Variants in RUSF1 observed in about 807,000 individuals in gnomAD.
RUSF1 encodes RUS1 family protein C16orf58.
RUSF1 carries 58 observed loss-of-function variants against 63.0 expected under a neutral mutation model. The ratio of observed to expected loss-of-function variants is 0.92; its 90% confidence interval spans 0.75 to 1.15. The LOEUF is 1.15. Among genes scored for constraint, RUSF1 ranks in the 50% most tolerant of loss-of-function variants. The probability of loss-of-function intolerance (pLI) is 0.00; values close to 1 mark genes in which losing one functional copy is unlikely to be tolerated. For missense variants in RUSF1, 652 were observed against 611.0 expected (o/e 1.07, Z -0.71); for synonymous variants, 274 against 255.8 (o/e 1.07, Z -0.68).
intron 2 of RUSF1, among the ~76,000 whole-genome samples, chr16:31,506,095 T>C (rs1248536215): frequency 6.6e-6 from 1 of 152,218 alleles, no homozygotes; most frequent in African/African-American, 2.4e-5. Flanking sequence ...CTTGGTAGCA[T>C]ATACATTCAG....
At chr16:31,505,612 A>G (rs2082654979) in intron 2 of RUSF1, among the ~76,000 whole-genome samples, 1 of 152,184 alleles carries the variant, frequency 6.6e-6, no homozygotes, top group African/African-American at 2.4e-5. Context: ...AAAAGTGCCT[A>G]TAGACAGCAC....
At chr16:31,499,546 T>C (rs750544676) in intron 3 of RUSF1, 21 bp from the exon 4 acceptor site, 2 of 1,592,152 alleles carry the variant, frequency 1.3e-6, no homozygotes, top group South Asian at 1.1e-5. Flanking sequence ...GGAGAGGTTG[T>C]TGTAATTTGG....
intron 9 of RUSF1, 41 bp downstream of exon 9, chr16:31,493,426 G>C (rs763792369): frequency 6.4e-7 from 1 of 1,558,500 alleles, no homozygotes; most frequent in South Asian, 1.2e-5. Flanking sequence ...AGGGGAGTGT[G>C]GGTGGCGGTG....
Position 31,493,901 on chromosome 16 carries a change from G to T in RUSF1, c.738C>A (p.Ser246Arg). 6.2e-7 allele frequency: 1 copy of T among 1,614,198 alleles called. No individual in the cohort carries two copies. The highest frequency in any genetic ancestry group is 8.5e-7 in the Non-Finnish European group (1 of 1,180,034). Residue 246 changes from serine (S) to arginine (R), a missense_variant, in exon 7 of 13, where the codon AGC becomes AGA. Transcript: ENST00000327237. The stretch of plus-strand genomic sequence containing the variant: ...CTGACACCAGAGGGAGCATCAGGAG[G>T]CTGACCAAGAGCCCCGCCAGGTTCA... ...TLVNLAGLLVSLLMLPLVSGC... is the reference protein window; with the variant it reads ...TLVNLAGLLVRLLMLPLVSGC...
chr16:31,500,586 T>C (rs2142655398), intron 3 of RUSF1, 100 bp downstream of exon 3: 13 of 1,441,878 alleles, frequency 9.0e-6, no homozygotes, highest in Non-Finnish European at 1.2e-5. Context: ...GATCATCTCA[T>C]GGAACCCTTA....
Position 31,499,398 on chromosome 16 carries a change from C to G in RUSF1, c.504G>C (p.Ala168=). 6.2e-7 allele frequency: 1 copy of G among 1,613,838 alleles called. No homozygotes were observed. Among genetic ancestry groups the G allele is most frequent in the South Asian group, 1.1e-5 (1 of 91,068 alleles). The change falls in exon 5 of 13, where the codon GCG becomes GCC. Residue 168 remains alanine (A), a synonymous_variant. Coordinates refer to ENST00000327237, the MANE Select transcript of RUSF1 (RefSeq NM_022744.4). ...ACATGGCTACGTCATTGAGGATGTC[C>G]GCAAAAAGCCTGGGGAGGGATCAGA... The part of the protein sequence containing the change: ...DCNAKQWRLF[A]DILNDVAMFL...
Position 31,508,195 on chromosome 16 carries a change from A to AC in RUSF1, c.178dup (p.Val60GlyfsTer25), listed in dbSNP as rs1567401246. 7.7e-6 allele frequency: 12 copies of AC among 1,566,574 alleles called. No homozygotes were observed. The highest frequency in any genetic ancestry group is 1.0e-5 in the Non-Finnish European group (12 of 1,156,432). Reference sequence around the variant, plus strand: ...CGGTGAGGGGGCCCCGGAAGCCCCCACTTCGCCCGCATCTCGTCCTTCAGG... The same window carrying AC: ...CGGTGAGGGGGCCCCGGAAGCCCCCACCTTCGCCCGCATCTCGTCCTTCAGG... On this transcript the variant is annotated frameshift_variant, in exon 1 of 13. Transcript: ENST00000327237. LOFTEE classifies it high-confidence loss of function.
chr16:31,503,389 T>C (rs942650470), intron 2 of RUSF1, among the ~76,000 whole-genome samples: 1 of 152,348 alleles, frequency 6.6e-6, no homozygotes, highest in Middle Eastern at 3.4e-3. Flanking sequence ...CTAACTAATA[T>C]GGCTGCTGCA....
rs1296073846 is a variant in RUSF1 at position 31,508,119 on chromosome 16, G to A, written c.255C>T (p.Ser85=). ...AVFLPQGFPD[S]VSPDYLPYQL... ...GGTAGGGCAAGTAGTCCGGGCTGAC[G>A]CTATCAGGGAAGCCCTGAGGCAGGA... Residue 85 remains serine (S), a synonymous_variant, in exon 1 of 13, where the codon AGC becomes AGT. Coordinates refer to ENST00000327237, the MANE Select transcript of RUSF1 (RefSeq NM_022744.4). 6.2e-7 allele frequency: 1 copy of A among 1,603,730 alleles called. No homozygotes were observed.
chr16:31,496,770 G>C, intron 6 of RUSF1, 79 bp downstream of exon 6: 1 of 1,230,944 alleles, frequency 8.1e-7, no homozygotes, highest in South Asian at 1.6e-5. Context: ...GTGTGTTCCT[G>C]GGCCCTCCAG....
Position 31,493,542 on chromosome 16 carries a change from C to T in RUSF1, c.959-18G>A, listed in dbSNP as rs2082585555. ...CCAGAAACCTGTGGGAAGCTGGGGTCAGGATGCCTAGGCAGTGGGAGAGGT... is the reference window on the plus strand; with the variant it reads ...CCAGAAACCTGTGGGAAGCTGGGGTTAGGATGCCTAGGCAGTGGGAGAGGT... On this transcript the variant is annotated intron_variant, in intron 8 of 12. Transcript: ENST00000327237. The T allele has an allele frequency of 6.2e-7, 1 of 1,614,034 alleles. No individual in the cohort carries two copies. The highest frequency in any genetic ancestry group is 8.5e-7 in the Non-Finnish European group (1 of 1,179,994).
In RUSF1 at chr16:31,503,660, A is replaced by C. The variant is rs993626895; in HGVS notation, c.416-2929T>G. On this transcript the variant is annotated intron_variant, in intron 2 of 12. Coordinates refer to ENST00000327237, the MANE Select transcript of RUSF1 (RefSeq NM_022744.4). ...AGAGCTTCTTTTACTATCAATAACA[A>C]GCCTTTATTTATTTATTTTTTTAGA... 2.6e-5 allele frequency among the ~76,000 whole-genome samples: 4 copies of C among 152,304 alleles called. No homozygotes were observed. In the South Asian group the frequency reaches 8.3e-4, roughly 32 times the overall value.
rs1234826312 is a variant in RUSF1, at chr16:31,493,803, G to A, written c.774-16C>T. ...AAGGCTGAAGCTGGGGTGAGAGAGT[G>A]AGGTAGCTGAAGTGGGCAGAGGCCC... On this transcript the variant is annotated splice_polypyrimidine_tract_variant and intron_variant, in intron 7 of 12. Transcript: ENST00000327237. 3 of 1,614,100 alleles carry A rather than the reference G, an allele frequency of 1.9e-6. No individual in the cohort carries two copies. The highest frequency in any genetic ancestry group is 2.5e-6 in the Non-Finnish European group (3 of 1,180,028).
At chr16:31,507,366 C>T (rs935298363) in intron 2 of RUSF1, among the ~76,000 whole-genome samples, 2 of 152,202 alleles carry the variant, frequency 1.3e-5, no homozygotes, top group Non-Finnish European at 2.9e-5. Flanking sequence ...CCAGGCTCTC[C>T]TCTCTCCTTC....
At chr16:31,497,865 T>C (rs1249731375) in intron 5 of RUSF1, among the ~76,000 whole-genome samples, 1 of 152,222 alleles carries the variant, frequency 6.6e-6, no homozygotes, top group African/African-American at 2.4e-5. Context: ...GGTGAAGGTC[T>C]TTCCCTAAGA....
At chr16:31,501,706 G>A (rs971346297) in intron 2 of RUSF1, among the ~76,000 whole-genome samples, 1 of 151,978 alleles carries the variant, frequency 6.6e-6, no homozygotes, top group East Asian at 1.9e-4. Flanking sequence ...TGGGACCTTC[G>A]TTTGCACAAC....
chr16:31,492,131 G>T, intron 11 of RUSF1, 45 bp from the exon 12 acceptor site: 1 of 1,613,746 alleles, frequency 6.2e-7, no homozygotes, highest in South Asian at 1.1e-5. Context: ...TCCTCCAGCA[G>T]GACAGAGTTT....
chr16:31,490,713 G>A lies in RUSF1; in HGVS notation c.*122C>T. 1 of 1,227,444 alleles carries A rather than the reference G, an allele frequency of 8.1e-7. No individual in the cohort carries two copies. Among genetic ancestry groups the A allele is most frequent in the South Asian group, 1.3e-5 (1 of 79,918 alleles). 76.0% of individuals were successfully genotyped at this position (1,227,444 alleles called of 1,614,324 possible). On this transcript the variant is annotated 3_prime_UTR_variant, in exon 13 of 13. Coordinates refer to ENST00000327237, the MANE Select transcript of RUSF1 (RefSeq NM_022744.4). ...TGATTGGCAGTCACTTCCCATGAGGGCCTGGCCCACCCGCTGCAGTTGCCC... is the reference window on the plus strand; with the variant it reads ...TGATTGGCAGTCACTTCCCATGAGGACCTGGCCCACCCGCTGCAGTTGCCC...
rs549941741 is a variant in RUSF1, at chr16:31,502,408, T to C, written c.416-1677A>G. Among the ~76,000 whole-genome samples the C allele has an allele frequency of 5.3e-5, 8 of 152,294 alleles. No individual in the cohort carries two copies. In the South Asian group the frequency reaches 1.0e-3, roughly 20 times the overall value. The stretch of plus-strand genomic sequence containing the variant: ...CGCTCCAGTGCACACCTGAAATACC[T>C]GTGCTTTTTCATCTTCACAATGATC... On this transcript the variant is annotated intron_variant, in intron 2 of 12. Coordinates refer to ENST00000327237, the MANE Select transcript of RUSF1 (RefSeq NM_022744.4).
Sources: gnomAD v4.1 joint callset for allele counts (sites outside exome capture counted in the v4.1 genomes callset) on GRCh38, gnomAD v4.1.1 for gene constraint, MANE v1.5 for transcripts, NCBI Gene and HGNC (gene_info 2026-07-23, HGNC 2026-07-21) for gene names.